The following ENPP3 variants were observed in gnomAD, a reference collection of about 807,000 sequenced individuals.
ENPP3 encodes ectonucleotide pyrophosphatase/phosphodiesterase family member 3.
Under a neutral mutation model 117.8 loss-of-function variants are expected in ENPP3, and 104 were observed. That is an observed-to-expected ratio of 0.88 (90% CI 0.75 to 1.04). The LOEUF (loss-of-function observed/expected upper bound fraction) is 1.04. Ranked by LOEUF, ENPP3 falls within the 50% of genes least tolerant of loss-of-function variation. The pLI is 0.00. For synonymous variants in ENPP3, 380 were observed against 349.9 expected (o/e 1.09, Z -0.96); for missense variants, 1,026 against 1,051.9 (o/e 0.98, Z 0.34).
chr6:131,732,058 T>C (rs574644224), intron 20 of ENPP3, among the ~76,000 whole-genome samples: 7 of 152,346 alleles, frequency 4.6e-5, no homozygotes, highest in African/African-American at 1.7e-4. Flanking sequence ...TGTTGCCTCT[T>C]CCTTTGTGAA....
intron 19 of ENPP3, 63 bp downstream of exon 19, chr6:131,724,154 C>A: frequency 1.8e-6 from 2 of 1,087,402 alleles, no homozygotes; most frequent in African/African-American, 1.7e-5. Context: ...CAATGTGGCC[C>A]TTTTAGGACT....
intron 20 of ENPP3, among the ~76,000 whole-genome samples, chr6:131,729,432 T>C (rs554367899): frequency 1.1e-4 from 16 of 152,344 alleles, no homozygotes; most frequent in Non-Finnish European, 1.6e-4. Context: ...AGGTTCTACT[T>C]TGTTTCAATG....
chr6:131,725,404 CCTT>C (rs992530496), intron 19 of ENPP3, among the ~76,000 whole-genome samples: 3 of 152,052 alleles, frequency 2.0e-5, no homozygotes, highest in East Asian at 1.9e-4. Context: ...TCATAAAGGG[CCTT>C]CTTCTCACTC....
At chr6:131,686,363 G>A (rs947011762) in intron 14 of ENPP3, among the ~76,000 whole-genome samples, 1 of 152,138 alleles carries the variant, frequency 6.6e-6, no homozygotes, top group African/African-American at 2.4e-5. Context: ...AAGTAAATGA[G>A]TAGAGAAACT....
chr6:131,727,470 G>T (rs558085417), intron 20 of ENPP3, among the ~76,000 whole-genome samples: 4 of 146,304 alleles, frequency 2.7e-5, no homozygotes, highest in Middle Eastern at 3.3e-3. Flanking sequence ...CAGGAGAATC[G>T]CTTGAACCCG....
At chr6:131,684,619 C>T (rs914461601) in intron 12 of ENPP3, among the ~76,000 whole-genome samples, 8 of 150,982 alleles carry the variant, frequency 5.3e-5, no homozygotes, top group Admixed American at 2.6e-4. Flanking sequence ...GTGGAGGCTG[C>T]AGTGCAGTGA....
chr6:131,719,820 A>G (rs1467394817), intron 16 of ENPP3, among the ~76,000 whole-genome samples: 1 of 152,180 alleles, frequency 6.6e-6, no homozygotes, highest in Non-Finnish European at 1.5e-5. Context: ...AAAGTAAAAG[A>G]GAGAAGTGTA....
chr6:131,706,903 A>T (rs1252629875), intron 15 of ENPP3, among the ~76,000 whole-genome samples: 3 of 151,832 alleles, frequency 2.0e-5, no homozygotes, highest in Non-Finnish European at 2.9e-5. Flanking sequence ...ACACACACAC[A>T]CTCTCTCTCT....
At position 131,650,141 on chromosome 6, in the gene ENPP3, T is replaced by C; in HGVS notation, c.269T>C (p.Val90Ala). ...DCCWDFEDTC[V>A]ESTRIWMCNK... Reference sequence around the variant, plus strand: ...TGCTGGGATTTTGAAGACACCTGTGTGGAATCAAGTATGAGTTCTGAGAAT... The same window carrying C: ...TGCTGGGATTTTGAAGACACCTGTGCGGAATCAAGTATGAGTTCTGAGAAT... Residue 90 changes from valine (V) to alanine (A), a missense_variant, in exon 3 of 25, where the codon GTG becomes GCG. Physicochemically the swap from Val to Ala is moderately conservative, Grantham distance 64. Coordinates refer to ENST00000357639, the MANE Select transcript of ENPP3 (RefSeq NM_005021.5). 1 of 1,614,070 alleles carries C rather than the reference T, an allele frequency of 6.2e-7. No individual in the cohort carries two copies. The highest frequency in any genetic ancestry group is 1.1e-5 in the South Asian group (1 of 91,080).
At position 131,729,224 on chromosome 6, in the gene ENPP3, G is replaced by T. The variant is rs147363777; in HGVS notation, c.1953+3024G>T. On this transcript the variant is annotated intron_variant, in intron 20 of 24. Transcript: ENST00000357639. Reference sequence around the variant, plus strand: ...ATTATTGTGTGTTGCAAACATTTTTGAACTATGAAAGAATTATTTTTCCCT... The same window carrying T: ...ATTATTGTGTGTTGCAAACATTTTTTAACTATGAAAGAATTATTTTTCCCT... Among the ~76,000 whole-genome samples the T allele has an allele frequency of 6.0e-4, 92 of 152,078 alleles. No individual in the cohort carries two copies. In the East Asian group the frequency reaches 0.017, roughly 28 times the overall value.
chr6:131,738,888 T>C (rs544394640), intron 23 of ENPP3, among the ~76,000 whole-genome samples: 1 of 152,310 alleles, frequency 6.6e-6, no homozygotes, highest in Admixed American at 6.5e-5. Context: ...GACTACCAAG[T>C]GTGTGGCCTT....
rs79832956 is a variant in ENPP3 at position 131,686,205 on chromosome 6, C to A, written c.1284+298C>A. Among the ~76,000 whole-genome samples, 300 of 152,238 alleles carry A rather than the reference C, an allele frequency of 2.0e-3. 1 individual carries two copies. The highest frequency in any genetic ancestry group is 7.0e-3 in the African/African-American group (290 of 41,556). On this transcript the variant is annotated intron_variant, in intron 14 of 24. Coordinates refer to ENST00000357639, the MANE Select transcript of ENPP3 (RefSeq NM_005021.5). ...TGCATTAGTGAGCTTCAGGTAGCATCGTCTTTCTCATTTTTTGTGTGACTA... is the reference window on the plus strand; with the variant it reads ...TGCATTAGTGAGCTTCAGGTAGCATAGTCTTTCTCATTTTTTGTGTGACTA...
chr6:131,676,004 T>G (rs1376443071), intron 9 of ENPP3, among the ~76,000 whole-genome samples: 1 of 152,170 alleles, frequency 6.6e-6, no homozygotes, highest in Non-Finnish European at 1.5e-5. Context: ...CCTCCCCTTC[T>G]GCTACTCCCT....
At chr6:131,642,196 A>C (rs1778059941) in intron 2 of ENPP3, among the ~76,000 whole-genome samples, 1 of 152,036 alleles carries the variant, frequency 6.6e-6, no homozygotes, top group African/African-American at 2.4e-5. Context: ...CTAGCCACTT[A>C]GTCTTGAAAG....
In ENPP3 at chr6:131,693,748, CT is replaced by C. The variant is rs1779342793; in HGVS notation, c.1412+129del. ...TTCCTGAGCATTGACATTTTCTGGC[CT>C]TTTTGTATGCTATTTAGCAGTTCTG... On this transcript the variant is annotated intron_variant, in intron 15 of 24. Transcript: ENST00000357639. The C allele has an allele frequency of 1.2e-5, 11 of 927,164 alleles. No individual in the cohort carries two copies. The South Asian group carries it at 1.6e-4, about 14-fold the overall frequency. 57.4% of individuals were successfully genotyped at this position (927,164 alleles called of 1,614,324 possible).
chr6:131,678,325 C>G (rs1778916472), intron 11 of ENPP3, among the ~76,000 whole-genome samples: 1 of 152,226 alleles, frequency 6.6e-6, no homozygotes, highest in South Asian at 2.1e-4. Flanking sequence ...ATCCGGCTGT[C>G]TACTCCCCGA....
intron 5 of ENPP3, among the ~76,000 whole-genome samples, chr6:131,657,132 C>T (rs995034069): frequency 3.9e-5 from 6 of 152,120 alleles, no homozygotes; most frequent in Admixed American, 1.3e-4. Context: ...ATTTTCTGTA[C>T]ACTGCAGTTC....
rs558834874 is a variant in ENPP3 at position 131,718,523 on chromosome 6, CTGT to C, written c.1413-143_1413-141del. The stretch of plus-strand genomic sequence containing the variant: ...TTCATTATTGATATAAAAATTTATT[CTGT>C]TGTTGATAGAAAAATATATTATTCT... On this transcript the variant is annotated intron_variant, in intron 15 of 24. Coordinates refer to ENST00000357639, the MANE Select transcript of ENPP3 (RefSeq NM_005021.5). The C allele has an allele frequency of 3.1e-5, 12 of 391,780 alleles. No individual in the cohort carries two copies. The South Asian group carries it at 1.1e-3, about 35-fold the overall frequency. 24.3% of individuals were successfully genotyped at this position (391,780 alleles called of 1,614,324 possible).
chr6:131,702,430 TG>T (rs1448483357), intron 15 of ENPP3, among the ~76,000 whole-genome samples: 4 of 152,160 alleles, frequency 2.6e-5, no homozygotes, highest in Non-Finnish European at 4.4e-5. Context: ...CATTATTTTT[TG>T]TTATTTACTT....
Sources: gnomAD v4.1 joint callset for allele counts (sites outside exome capture counted in the v4.1 genomes callset) on GRCh38, gnomAD v4.1.1 for gene constraint, MANE v1.5 for transcripts, NCBI Gene and HGNC (gene_info 2026-07-23, HGNC 2026-07-21) for gene names.